ENOX2: variants seen among roughly 807,000 people sequenced by gnomAD.
ENOX2 encodes APK1 antigen.
A neutral mutation model predicts 45.0 loss-of-function variants in ENOX2; 36 were observed. The observed-to-expected ratio is 0.80, with a 90% CI of 0.61 to 1.06. The LOEUF (loss-of-function observed/expected upper bound fraction) is 1.06. Ranked by LOEUF, ENOX2 falls within the 50% of genes least tolerant of loss-of-function variation. ENOX2 has a pLI of 0.00. For missense variants in ENOX2, 423 were observed against 462.5 expected, an observed-to-expected ratio of 0.91 and a Z score of 0.78; for synonymous variants, 174 against 152.3, an observed-to-expected ratio of 1.14 and a Z score of -1.05.
Position 130,817,280 on chromosome X carries a change from C to A in ENOX2, c.-182-33590G>T, listed in dbSNP as rs1204583213. 2.7e-5 allele frequency among the ~76,000 whole-genome samples: 3 copies of A among 111,776 alleles called. No individual in the cohort carries two copies. The Admixed American group carries it at 2.8e-4, about 11-fold the overall frequency. On this transcript the variant is annotated intron_variant, in intron 2 of 14. Coordinates refer to ENST00000394363, the MANE Select transcript of ENOX2 (RefSeq NM_006375.4). ...CTGAAATTGAGGCAGTAATTAATAG[C>A]CTACCAACCAAAAAAAGCCCAGAAC...
At chrX:130,861,113 C>T (rs2078401103) in intron 2 of ENOX2, among the ~76,000 whole-genome samples, 1 of 111,234 alleles carries the variant, frequency 9.0e-6, no homozygotes, top group African/African-American at 3.3e-5. Context: ...ACAATAAAAA[C>T]AAAAGATAAA....
At chrX:130,701,534 T>C (rs2037897334) in intron 4 of ENOX2, among the ~76,000 whole-genome samples, 1 of 111,761 alleles carries the variant, frequency 8.9e-6, no homozygotes, top group Non-Finnish European at 1.9e-5. Flanking sequence ...GAGTACCTTC[T>C]ATGTACCAGA....
intron 3 of ENOX2, among the ~76,000 whole-genome samples, chrX:130,738,722 G>A (rs1227397131): frequency 8.9e-6 from 1 of 112,198 alleles, no homozygotes; most frequent in Non-Finnish European, 1.9e-5. Flanking sequence ...CCCTTGAAGA[G>A]GGGAAAAGAA....
At position 130,628,898 on chromosome X, in the gene ENOX2, A is replaced by AT. The variant is rs199832451; in HGVS notation, c.1529-856dup. Among the ~76,000 whole-genome samples, 345 of 103,259 alleles carry AT rather than the reference A, an allele frequency of 3.3e-3. 1 individual carries two copies. Among genetic ancestry groups the AT allele is most frequent in the East Asian group, 6.3e-3 (21 of 3,312 alleles). The allele number at this position is 103,259 out of a possible 115,157, so 89.7% of individuals were successfully genotyped here. On this transcript the variant is annotated intron_variant, in intron 13 of 14. Coordinates refer to ENST00000394363, the MANE Select transcript of ENOX2 (RefSeq NM_006375.4). ...AAAAGTATAATATTTCTTTCTTTCA[A>AT]TTTTTTTTTTTTTGCGTTCACCTCC... is the stretch of plus-strand genomic sequence containing the variant.
intron 10 of ENOX2, among the ~76,000 whole-genome samples, chrX:130,643,265 G>GTAC (rs1405437350): frequency 0.013 from 1,403 of 110,926 alleles, 21 homozygotes; most frequent in African/African-American, 0.044. Flanking sequence ...CAGAACAATG[G>GTAC]AGAAGACAAA....
intron 2 of ENOX2, among the ~76,000 whole-genome samples, chrX:130,842,125 A>C (rs1266431795): frequency 4.4e-5 from 5 of 112,833 alleles, no homozygotes; most frequent in South Asian, 3.7e-4. Context: ...GCCAGCCGTA[A>C]TGCCGTGCTC....
chrX:130,668,661 G>A (rs2036901474), intron 7 of ENOX2, among the ~76,000 whole-genome samples: 1 of 111,761 alleles, frequency 8.9e-6, no homozygotes, highest in Non-Finnish European at 1.9e-5. Context: ...ATCCTTCTCT[G>A]GCTAGAAACC....
At chrX:130,836,001 T>C (rs1040456472) in intron 2 of ENOX2, among the ~76,000 whole-genome samples, 1 of 112,395 alleles carries the variant, frequency 8.9e-6, no homozygotes, top group Non-Finnish European at 1.9e-5. Context: ...TGAACTCTCC[T>C]TCACCATCAG....
chrX:130,633,874 T>C (rs1238772017), intron 12 of ENOX2, among the ~76,000 whole-genome samples: 1 of 112,659 alleles, frequency 8.9e-6, no homozygotes, highest in Non-Finnish European at 1.9e-5. Context: ...GCTTTGGCTC[T>C]TTTCAATTAA....
At chrX:130,711,969 A>T (rs1261846872) in intron 3 of ENOX2, among the ~76,000 whole-genome samples, 2 of 111,393 alleles carry the variant, frequency 1.8e-5, no homozygotes, top group Non-Finnish European at 3.8e-5. Flanking sequence ...AAGTGATAGC[A>T]CATACCCTAC....
At chrX:130,796,975 A>G (rs1437048050) in intron 2 of ENOX2, among the ~76,000 whole-genome samples, 1 of 112,186 alleles carries the variant, frequency 8.9e-6, no homozygotes, top group African/African-American at 3.2e-5. Flanking sequence ...GCTCTGTGAC[A>G]AACAATTGAC....
intron 3 of ENOX2, among the ~76,000 whole-genome samples, chrX:130,759,572 T>A (rs1363753514): frequency 3.8e-5 from 3 of 78,788 alleles, no homozygotes; most frequent in Non-Finnish European, 6.9e-5. Context: ...AGCGAGACTA[T>A]GTACCAAAAA....
intron 10 of ENOX2, chrX:130,646,383 C>T (rs1239709689): frequency 8.8e-6 from 2 of 227,300 alleles, no homozygotes; most frequent in Non-Finnish European, 1.6e-5. Flanking sequence ...GAAGAACTCC[C>T]CTCCTGGGGC....
intron 3 of ENOX2, among the ~76,000 whole-genome samples, chrX:130,763,873 G>A (rs1267140736): frequency 9.0e-6 from 1 of 110,784 alleles, no homozygotes; most frequent in East Asian, 2.9e-4. Context: ...ACCACAATTT[G>A]TGTGTGTGTC....
intron 2 of ENOX2, among the ~76,000 whole-genome samples, chrX:130,798,267 C>A (rs1249380491): frequency 1.8e-5 from 2 of 112,196 alleles, no homozygotes; most frequent in Non-Finnish European, 3.8e-5. Flanking sequence ...AAGTAAAAAA[C>A]AAACAAACAA....
intron 2 of ENOX2, among the ~76,000 whole-genome samples, chrX:130,811,131 C>T (rs2077383037): frequency 9.0e-6 from 1 of 111,531 alleles, no homozygotes; most frequent in African/African-American, 3.3e-5. Flanking sequence ...GGCTATCTGC[C>T]TACATGAGTG....
chrX:130,902,536 G>GA lies in ENOX2; in HGVS notation c.-231+512dup, dbSNP rs370380768. ...TTAAGGAGGCAAAAAGAGAAAGTTT[G>GA]AAAAAAAAAAGTCACGCCCTGAGCG... is the stretch of plus-strand genomic sequence containing the variant. On this transcript the variant is annotated intron_variant, in intron 1 of 14. Transcript: ENST00000394363. 5.4e-3 allele frequency among the ~76,000 whole-genome samples: 569 copies of GA among 105,351 alleles called. 9 individuals are homozygous for GA. Among genetic ancestry groups the GA allele is most frequent in the African/African-American group, 0.016 (470 of 28,874 alleles). 91.5% of individuals were successfully genotyped at this position (105,351 alleles called of 115,157 possible).
intron 10 of ENOX2, among the ~76,000 whole-genome samples, chrX:130,655,030 C>T (rs2036510658): frequency 8.9e-6 from 1 of 112,069 alleles, no homozygotes; most frequent in Admixed American, 9.4e-5. Flanking sequence ...ATACTGTGTA[C>T]AATACTGTAG....
chrX:130,772,205 C>T (rs2039757517), intron 3 of ENOX2, among the ~76,000 whole-genome samples: 1 of 112,243 alleles, frequency 8.9e-6, no homozygotes, highest in Non-Finnish European at 1.9e-5. Flanking sequence ...ACAGTCTTAA[C>T]TGATGGCAAG....
Sources: allele counts gnomAD v4.1 joint callset (sites outside exome capture counted in the v4.1 genomes callset), GRCh38; gene constraint gnomAD v4.1.1; transcripts MANE v1.5; gene names NCBI Gene and HGNC (gene_info 2026-07-23, HGNC 2026-07-21).